The following KCNAB1 variants were observed in gnomAD, a reference collection of about 807,000 sequenced individuals.
KCNAB1 encodes potassium voltage-gated channel subfamily A regulatory beta subunit 1, also known as voltage-gated potassium channel subunit beta-1.
A neutral mutation model predicts 64.6 loss-of-function variants in KCNAB1; 35 were observed. The ratio of observed to expected loss-of-function variants is 0.54; its 90% CI spans 0.41 to 0.72. The LOEUF is 0.72. Ranked by LOEUF, KCNAB1 falls within the 30% of genes least tolerant of loss-of-function variation. The pLI, the probability that KCNAB1 is intolerant of heterozygous loss-of-function variation, is 0.00. For missense variants in KCNAB1, 401 were observed against 512.9 expected, an observed-to-expected ratio of 0.78 and a Z score of 2.11; for synonymous variants, 177 against 183.8, an observed-to-expected ratio of 0.96 and a Z score of 0.30.
At chr3:156,225,584 G>C (rs559626480) in intron 1 of KCNAB1, among the ~76,000 whole-genome samples, 33 of 152,250 alleles carry the variant, frequency 2.2e-4, no homozygotes, top group Non-Finnish European at 4.3e-4. Flanking sequence ...AATCAGACAA[G>C]AGAAAGAAAT....
chr3:156,520,466 T>C (rs1717869704), intron 11 of KCNAB1, among the ~76,000 whole-genome samples: 1 of 152,074 alleles, frequency 6.6e-6, no homozygotes. Flanking sequence ...TAGTCCCAAA[T>C]ACTCAGGAGG....
At chr3:156,303,124 C>G (rs964040091) in intron 1 of KCNAB1, among the ~76,000 whole-genome samples, 2 of 152,296 alleles carry the variant, frequency 1.3e-5, no homozygotes, top group South Asian at 2.1e-4. Flanking sequence ...GTAGTTTCCC[C>G]TCTGTGAAGT....
chr3:156,378,298 A>C (rs1421258854), intron 1 of KCNAB1, among the ~76,000 whole-genome samples: 1 of 152,068 alleles, frequency 6.6e-6, no homozygotes, highest in African/African-American at 2.4e-5. Context: ...AGGGTGGAGG[A>C]GGTAGGATTG....
chr3:156,529,986 T>C (rs186961823), intron 12 of KCNAB1, among the ~76,000 whole-genome samples: 20 of 152,272 alleles, frequency 1.3e-4, no homozygotes, highest in Admixed American at 1.2e-3. Flanking sequence ...CCTGGGGACC[T>C]TAGCTTCTGG....
intron 1 of KCNAB1, among the ~76,000 whole-genome samples, chr3:156,363,537 G>A (rs956066044): frequency 6.6e-6 from 1 of 151,514 alleles, no homozygotes; most frequent in Admixed American, 6.6e-5. Context: ...GTGCAATGGT[G>A]CAATCTCAGC....
intron 1 of KCNAB1, among the ~76,000 whole-genome samples, chr3:156,285,653 A>C (rs1373400179): frequency 6.6e-6 from 1 of 152,154 alleles, no homozygotes; most frequent in Non-Finnish European, 1.5e-5. Context: ...AGTAGGGGCC[A>C]TCATGCCCAG....
chr3:156,255,682 G>A (rs1008304271), intron 1 of KCNAB1, among the ~76,000 whole-genome samples: 4 of 152,084 alleles, frequency 2.6e-5, no homozygotes, highest in African/African-American at 9.7e-5. Flanking sequence ...CTAACAATGG[G>A]CTCATGTGTC....
At chr3:156,525,800 C>T (rs1718274403) in intron 12 of KCNAB1, among the ~76,000 whole-genome samples, 1 of 152,178 alleles carries the variant, frequency 6.6e-6, no homozygotes, top group Non-Finnish European at 1.5e-5. Context: ...AGGCATGAGC[C>T]ACTGTGCCCA....
chr3:156,531,600 A>T, intron 13 of KCNAB1, 103 bp downstream of exon 13: 1 of 884,418 alleles, frequency 1.1e-6, no homozygotes, highest in Non-Finnish European at 1.9e-6. Flanking sequence ...TGGGTGGGGC[A>T]AGAGTAGGGG....
intron 2 of KCNAB1, among the ~76,000 whole-genome samples, chr3:156,423,541 G>T (rs1049457967): frequency 6.6e-6 from 1 of 152,152 alleles, no homozygotes; most frequent in African/African-American, 2.4e-5. Context: ...AAGACATGCG[G>T]GACAGAAGAG....
chr3:156,220,825 T>C (rs1249546557), intron 1 of KCNAB1, among the ~76,000 whole-genome samples: 2 of 152,244 alleles, frequency 1.3e-5, no homozygotes, highest in African/African-American at 4.8e-5. Context: ...GCCTAGGTTT[T>C]CTTCTAGGGT....
At chr3:156,444,982 A>C (rs1181145126) in intron 2 of KCNAB1, among the ~76,000 whole-genome samples, 2 of 152,178 alleles carry the variant, frequency 1.3e-5, no homozygotes, top group Non-Finnish European at 2.9e-5. Flanking sequence ...GTAAAAGAAG[A>C]AGAAAGGCAA....
At chr3:156,339,492 G>T (rs1182803571) in intron 1 of KCNAB1, among the ~76,000 whole-genome samples, 1 of 152,152 alleles carries the variant, frequency 6.6e-6, no homozygotes, top group African/African-American at 2.4e-5. Context: ...GAAGTGGTCT[G>T]TCCAAAGGTG....
chr3:156,156,065 T>G (rs902415062), intron 1 of KCNAB1, among the ~76,000 whole-genome samples: 2 of 152,164 alleles, frequency 1.3e-5, no homozygotes, highest in Non-Finnish European at 2.9e-5. Flanking sequence ...CTCTGGCCCC[T>G]CTGGAGTTCA....
rs567835306 is a variant in KCNAB1, at chr3:156,167,684, A to G, written c.275+46798A>G. On this transcript the variant is annotated intron_variant, in intron 1 of 13. Coordinates refer to ENST00000490337, the MANE Select transcript of KCNAB1 (RefSeq NM_172160.3). ...CAACAAACTTTTTAACAACAACAAC[A>G]ACAACAACAAAAATAAGTGGAGATT... Among the ~76,000 whole-genome samples the G allele has an allele frequency of 7.2e-5, 11 of 152,328 alleles. No homozygotes were observed. In the South Asian group the frequency reaches 2.3e-3, roughly 32 times the overall value.
chr3:156,325,463 C>G (rs1163110483), intron 1 of KCNAB1, among the ~76,000 whole-genome samples: 3 of 152,036 alleles, frequency 2.0e-5, no homozygotes. Context: ...GAAGTGGATA[C>G]TATTATTTGA....
At chr3:156,254,100 C>G (rs568945936) in intron 1 of KCNAB1, among the ~76,000 whole-genome samples, 2 of 152,222 alleles carry the variant, frequency 1.3e-5, no homozygotes, top group East Asian at 3.9e-4. Context: ...AGAGAACTTA[C>G]GATTTTTATG....
chr3:156,480,656 C>T (rs529676539), intron 8 of KCNAB1, among the ~76,000 whole-genome samples: 2 of 152,144 alleles, frequency 1.3e-5, no homozygotes, highest in East Asian at 3.9e-4. Flanking sequence ...TTACTAATGG[C>T]ATATATTACA....
chr3:156,330,975 T>C (rs928174381), intron 1 of KCNAB1, among the ~76,000 whole-genome samples: 1 of 152,122 alleles, frequency 6.6e-6, no homozygotes, highest in Non-Finnish European at 1.5e-5. Context: ...CAAAAAACAG[T>C]TGTGTGCAGG....
Sources: allele counts gnomAD v4.1 joint callset (sites outside exome capture counted in the v4.1 genomes callset), GRCh38; gene constraint gnomAD v4.1.1; transcripts MANE v1.5; gene names NCBI Gene and HGNC (gene_info 2026-07-23, HGNC 2026-07-21).